Variants in RAD54L2 observed in about 807,000 individuals in gnomAD.
The protein encoded by RAD54L2 is RAD54 like 2, also known as helicase ARIP4.
RAD54L2 carries 27 observed loss-of-function variants against 138.4 expected under a neutral mutation model. The ratio of observed to expected loss-of-function variants is 0.20; its 90% CI spans 0.14 to 0.27. The LOEUF (loss-of-function observed/expected upper bound fraction) is 0.27, where lower values mean the gene tolerates loss of function less well. RAD54L2 is among the 10% of genes least tolerant of loss of function. The pLI is 1.00. For synonymous variants in RAD54L2, 644 were observed against 723.2 expected (o/e 0.89, Z 1.76); for missense variants, 1,396 against 1,890.2 (o/e 0.74, Z 4.85).
intron 3 of RAD54L2, among the ~76,000 whole-genome samples, chr3:51,614,900 G>T (rs1476250730): frequency 6.6e-6 from 1 of 151,370 alleles, no homozygotes; most frequent in Non-Finnish European, 1.5e-5. Flanking sequence ...TTCATCCCAG[G>T]GTGTAAATAT....
At chr3:51,596,523 C>T (rs1321720065) in intron 3 of RAD54L2, among the ~76,000 whole-genome samples, 1 of 152,096 alleles carries the variant, frequency 6.6e-6, no homozygotes, top group Non-Finnish European at 1.5e-5. Flanking sequence ...CTTCATGTTT[C>T]TTATTCATTC....
Position 51,646,456 on chromosome 3 carries a change from A to C in RAD54L2, c.3001A>C (p.Ile1001Leu). Residue 1001 changes from isoleucine (I) to leucine (L), a missense_variant, in exon 19 of 23, where the codon ATC becomes CTC. Ile to Leu is a conservative substitution (Grantham distance 5, BLOSUM62 2). This residue lies in a region of RAD54L2 where 634 missense variants were observed against 711.2 expected (regional missense o/e 0.89). Transcript: ENST00000684192. ...TGCCAGCGATCAGAGCCTGACCAGCATCCCCGCCTTCAGCCAGAGAAACTG... is the reference window on the plus strand; with the variant it reads ...TGCCAGCGATCAGAGCCTGACCAGCCTCCCCGCCTTCAGCCAGAGAAACTG... ...YPASDQSLTS[I>L]PAFSQRNWQP... 4 of 1,610,632 alleles carry C rather than the reference A, an allele frequency of 2.5e-6. No individual in the cohort carries two copies. The highest frequency in any genetic ancestry group is 3.4e-6 in the Non-Finnish European group (4 of 1,177,938).
At chr3:51,651,559 C>T (rs1312402122) in intron 19 of RAD54L2, among the ~76,000 whole-genome samples, 1 of 152,162 alleles carries the variant, frequency 6.6e-6, no homozygotes, top group Admixed American at 6.5e-5. Context: ...CAAACAGAAT[C>T]TAACAGCATA....
intron 19 of RAD54L2, among the ~76,000 whole-genome samples, chr3:51,649,037 A>G (rs189921214): frequency 2.4e-4 from 37 of 152,244 alleles, no homozygotes; most frequent in Non-Finnish European, 4.3e-4. Context: ...ACCCATTGCA[A>G]GGAAGCTAAA....
chr3:51,589,446 A>G (rs1384593398), intron 2 of RAD54L2, among the ~76,000 whole-genome samples: 1 of 152,162 alleles, frequency 6.6e-6, no homozygotes, highest in East Asian at 1.9e-4. Context: ...TACATTGTCT[A>G]CAGTCAAAAT....
chr3:51,603,459 T>G (rs1030543774), intron 3 of RAD54L2, among the ~76,000 whole-genome samples: 1 of 152,002 alleles, frequency 6.6e-6, no homozygotes, highest in East Asian at 1.9e-4. Context: ...ATACAAAGAT[T>G]AGCTGAACAT....
intron 2 of RAD54L2, among the ~76,000 whole-genome samples, chr3:51,589,581 T>C (rs1699790433): frequency 1.3e-5 from 2 of 151,962 alleles, no homozygotes; most frequent in African/African-American, 4.8e-5. Context: ...GGGAAAAATT[T>C]AAAATTTGAA....
chr3:51,565,417 A>ATG (rs371630704), intron 2 of RAD54L2, among the ~76,000 whole-genome samples: 77 of 151,904 alleles, frequency 5.1e-4, no homozygotes, highest in African/African-American at 1.6e-3. Context: ...AAAAATATAT[A>ATG]TGTGTGTGTG....
At position 51,654,179 on chromosome 3, in the gene RAD54L2, C is replaced by T. The variant is rs189651224; in HGVS notation, c.3027-1792C>T. ...TCTCCTCCCCTAGCTACCCAAGTAGCTGGGATTATAGGTGCACACCACCAC... is the reference window on the plus strand; with the variant it reads ...TCTCCTCCCCTAGCTACCCAAGTAGTTGGGATTATAGGTGCACACCACCAC... On this transcript the variant is annotated intron_variant, in intron 19 of 22. Coordinates refer to ENST00000684192, the MANE Select transcript of RAD54L2 (RefSeq NM_015106.4). 7.2e-5 allele frequency among the ~76,000 whole-genome samples: 11 copies of T among 152,066 alleles called. No homozygotes were observed. The East Asian group carries it at 2.1e-3, about 29-fold the overall frequency.
Position 51,645,446 on chromosome 3 carries a change from TTTTCCCCTTATA to T in RAD54L2, c.2657-143_2657-132del. ...ATAACAGCCAAGCTCGTTATACAAGTTTTCCCCTTATATGATGTTTCCAGTGTCACCAGCACC... is the reference window on the plus strand; with the variant it reads ...ATAACAGCCAAGCTCGTTATACAAGTTGATGTTTCCAGTGTCACCAGCACC... On this transcript the variant is annotated intron_variant, in intron 17 of 22. Transcript: ENST00000684192. This position sits in a 1 kb window ranked among gnomAD's most constrained non-coding sequence, Gnocchi z 6.1. The T allele has an allele frequency of 1.0e-6, 1 of 992,936 alleles. No homozygotes were observed. Among genetic ancestry groups the T allele is most frequent in the Non-Finnish European group, 1.5e-6 (1 of 683,304 alleles). The allele number at this position is 992,936 out of a possible 1,614,324, so 61.5% of individuals were successfully genotyped here.
chr3:51,646,233 A>G, intron 18 of RAD54L2, 52 bp from the exon 19 acceptor site: 1 of 1,500,512 alleles, frequency 6.7e-7, no homozygotes. Flanking sequence ...AGTAAGGCTC[A>G]TTATCTATCA....
At chr3:51,601,310 C>CTTTTTTTTTTTTTTTTTT in intron 3 of RAD54L2, among the ~76,000 whole-genome samples, 1 of 123,106 alleles carries the variant, frequency 8.1e-6, no homozygotes, top group African/African-American at 3.1e-5. Flanking sequence ...CTGCGCCCGG[C>CTTTTTTTTTTTTTTTTTT]TTTTTTTTTT....
intron 2 of RAD54L2, among the ~76,000 whole-genome samples, chr3:51,563,259 A>G (rs1699139657): frequency 6.6e-6 from 1 of 152,200 alleles, no homozygotes. Flanking sequence ...TCAGTTTCTG[A>G]CCTGAAGGAT....
intron 19 of RAD54L2, among the ~76,000 whole-genome samples, chr3:51,649,198 G>A (rs1470090892): frequency 6.6e-6 from 1 of 151,886 alleles, no homozygotes; most frequent in Non-Finnish European, 1.5e-5. Context: ...AGAAGAAAGT[G>A]TATCAGTGAT....
chr3:51,628,120 C>T (rs767072034), intron 4 of RAD54L2, among the ~76,000 whole-genome samples: 1 of 152,130 alleles, frequency 6.6e-6, no homozygotes, highest in Admixed American at 6.6e-5. Context: ...TTCTCATCTT[C>T]TTAGACGTCA....
Position 51,637,643 on chromosome 3 carries a change from G to T in RAD54L2, c.1682+140G>T. 1 of 834,952 alleles carries T rather than the reference G, an allele frequency of 1.2e-6. No individual in the cohort carries two copies. The highest frequency in any genetic ancestry group is 1.9e-5 in the South Asian group (1 of 53,966). 51.7% of individuals were successfully genotyped at this position (834,952 alleles called of 1,614,324 possible). A position where few individuals can be genotyped will look rare whatever the true frequency, so the allele number is the denominator to read the frequency against. On this transcript the variant is annotated intron_variant, in intron 11 of 22. Transcript: ENST00000684192. The surrounding 1 kb of genome is among the most constrained non-coding windows in gnomAD (Gnocchi z 5.9). ...GCAGTAGTAAAACTTTGCTTCCTGT[G>T]ACAAGCTAGCAGATGGTGGATATCC...
At chr3:51,587,103 C>CTT (rs960940069) in intron 2 of RAD54L2, among the ~76,000 whole-genome samples, 2 of 146,248 alleles carry the variant, frequency 1.4e-5, no homozygotes, top group Non-Finnish European at 3.0e-5. Flanking sequence ...TGATTTCTTT[C>CTT]TTTTTTTTTT....
chr3:51,662,337 G>T lies in RAD54L2; in HGVS notation c.3410-89G>T, dbSNP rs1701799791. On this transcript the variant is annotated intron_variant, in intron 22 of 22. Coordinates refer to ENST00000684192, the MANE Select transcript of RAD54L2 (RefSeq NM_015106.4). This position sits in a 1 kb window ranked among gnomAD's most constrained non-coding sequence, Gnocchi z 4.6. ...ACTATTAGAATTTTGGGGACTACAG[G>T]ACAGGATTTTTTTTAATGGAGTTTT... The T allele has an allele frequency of 2.2e-5, 28 of 1,293,856 alleles. No homozygotes were observed. The highest frequency in any genetic ancestry group is 3.0e-5 in the African/African-American group (2 of 65,840). The allele number at this position is 1,293,856 out of a possible 1,614,324, so 80.1% of individuals were successfully genotyped here.
chr3:51,548,157 A>G (rs1266567013), intron 2 of RAD54L2, among the ~76,000 whole-genome samples: 2 of 147,774 alleles, frequency 1.4e-5, no homozygotes, highest in Non-Finnish European at 3.0e-5. Flanking sequence ...GCCTCCCAAA[A>G]TGTTGGGATC....
Sources: allele counts gnomAD v4.1 joint callset (sites outside exome capture counted in the v4.1 genomes callset), GRCh38; gene constraint gnomAD v4.1.1; regional missense constraint gnomAD v4.1.1; non-coding constraint Gnocchi (gnomAD v3.1); transcripts MANE v1.5; gene names NCBI Gene and HGNC (gene_info 2026-07-23, HGNC 2026-07-21).